The following FGL1 variants were observed in gnomAD, a reference collection of about 807,000 sequenced individuals.
FGL1 encodes the protein fibrinogen-like protein 1.
In FGL1, 59 loss-of-function variants were observed where a neutral mutation model predicts 43.7. That is an observed-to-expected ratio of 1.35 (90% CI 1.10 to 1.68). The LOEUF (loss-of-function observed/expected upper bound fraction) is 1.68. Ranked by LOEUF, FGL1 falls within the 40% of genes most tolerant of loss-of-function variation. FGL1 has a pLI of 0.00. For synonymous variants in FGL1, 192 were observed against 126.5 expected (o/e 1.52, Z -3.48); for missense variants, 596 against 373.0 (o/e 1.60, Z -4.92).
chr8:17,866,300 T>C (rs1374864017), intron 7 of FGL1, among the ~76,000 whole-genome samples: 1 of 152,202 alleles, frequency 6.6e-6, no homozygotes, highest in Non-Finnish European at 1.5e-5. Flanking sequence ...CGTGAAATGC[T>C]ACACTAACAA....
intron 3 of FGL1, 86 bp from the exon 4 acceptor site, chr8:17,874,607 T>A (rs529578228): frequency 1.0e-6 from 1 of 1,000,702 alleles, no homozygotes; most frequent in African/African-American, 1.6e-5. Context: ...GACTACTCAG[T>A]ATCACTGGAG....
chr8:17,873,194 C>A (rs189443253), intron 5 of FGL1, among the ~76,000 whole-genome samples: 16 of 152,286 alleles, frequency 1.1e-4, no homozygotes, highest in Admixed American at 9.2e-4. Flanking sequence ...AAAGTCTGAG[C>A]TGCTCCTGTG....
At chr8:17,871,192 T>A (rs912918103) in intron 5 of FGL1, among the ~76,000 whole-genome samples, 1 of 152,090 alleles carries the variant, frequency 6.6e-6, no homozygotes, top group Non-Finnish European at 1.5e-5. Context: ...TCAACTGTCT[T>A]TAAAAATATT....
At chr8:17,869,858 C>G (rs931646129) in intron 5 of FGL1, among the ~76,000 whole-genome samples, 6 of 152,100 alleles carry the variant, frequency 3.9e-5, no homozygotes, top group Non-Finnish European at 7.4e-5. Context: ...GCCTGTAATC[C>G]CAGCACTTTG....
Position 17,882,167 on chromosome 8 carries a change from A to C in FGL1, c.76T>G (p.Cys26Gly), listed in dbSNP as rs143971989. 56 of 1,613,328 alleles carry C rather than the reference A, an allele frequency of 3.5e-5. No individual in the cohort carries two copies. The African/African-American group carries it at 7.1e-4, about 20-fold the overall frequency. Residue 26 changes from cysteine (C) to glycine (G), a missense_variant, in exon 3 of 8, where the codon TGT (cysteine) becomes GGT (glycine). Transcript: ENST00000427924. ...MGREISALED[C>G]AQEQMRLRAQ... Reference sequence around the variant, plus strand: ...CTGAGCCGCATCTGCTCCTGGGCACAGTCCTCGAGCGCCTGCAAAACAGGT... The same window carrying C: ...CTGAGCCGCATCTGCTCCTGGGCACCGTCCTCGAGCGCCTGCAAAACAGGT...
chr8:17,887,192 A>G (rs1411535864), intron 1 of FGL1, among the ~76,000 whole-genome samples: 1 of 152,006 alleles, frequency 6.6e-6, no homozygotes, highest in African/African-American at 2.4e-5. Context: ...CAGGCCAAAG[A>G]ACATAGGATT....
intron 3 of FGL1, among the ~76,000 whole-genome samples, chr8:17,877,125 G>A (rs1379613852): frequency 1.3e-5 from 2 of 151,964 alleles, no homozygotes; most frequent in African/African-American, 4.8e-5. Context: ...TTTAAAATAT[G>A]AACTTGATAT....
chr8:17,866,723 G>C (rs2053275402), intron 7 of FGL1, among the ~76,000 whole-genome samples: 2 of 152,188 alleles, frequency 1.3e-5, no homozygotes, highest in South Asian at 4.1e-4. Context: ...AGATGCCTTA[G>C]AAGCCAGTCA....
At chr8:17,887,719 C>T (rs972433210) in intron 1 of FGL1, among the ~76,000 whole-genome samples, 7 of 151,956 alleles carry the variant, frequency 4.6e-5, no homozygotes, top group African/African-American at 1.7e-4. Flanking sequence ...CCTGTAATCC[C>T]AGCAAATTGG....
intron 3 of FGL1, among the ~76,000 whole-genome samples, chr8:17,875,551 T>TTCTTTCTTTCTCTCTCTC (rs2053440563): frequency 6.0e-5 from 1 of 16,720 alleles, no homozygotes; most frequent in African/African-American, 1.6e-4. Flanking sequence ...CTTTCTTTCT[T>TTCTTTCTTTCTCTCTCTC]TCTTTCTTTC....
intron 3 of FGL1, 65 bp from the exon 4 acceptor site, chr8:17,874,586 C>T (rs2053417459): frequency 1.5e-6 from 2 of 1,335,516 alleles, no homozygotes; most frequent in Non-Finnish European, 2.1e-6. Context: ...CCTTAGGGAG[C>T]CTCTGAATGA....
intron 3 of FGL1, among the ~76,000 whole-genome samples, chr8:17,878,276 T>C (rs1563454292): frequency 6.6e-6 from 1 of 152,238 alleles, no homozygotes; most frequent in Non-Finnish European, 1.5e-5. Context: ...CATTTGAATA[T>C]ATTTTAATCC....
At chr8:17,870,485 T>C (rs2053341952) in intron 5 of FGL1, among the ~76,000 whole-genome samples, 1 of 152,150 alleles carries the variant, frequency 6.6e-6, no homozygotes, top group Non-Finnish European at 1.5e-5. Context: ...AGAGCCTCAC[T>C]TTCCTTGGAG....
At chr8:17,875,531 CTTTCTCTTTCTTTCTTTCTTTCTTTCTT>C (rs1563452328) in intron 3 of FGL1, among the ~76,000 whole-genome samples, 1 of 12,152 alleles carries the variant, frequency 8.2e-5, no homozygotes, top group African/African-American at 2.5e-4. Context: ...TTCTTTCTTT[CTTTCTCTTTCTTTCTTTCTTTCTTTCTT>C]TCTTTCTTTC....
rs1208103229 is a variant in FGL1, at chr8:17,869,022, A to C, written c.503-18T>G. The C allele has an allele frequency of 1.3e-6, 2 of 1,521,914 alleles. No homozygotes were observed. The allele number at this position is 1,521,914 out of a possible 1,614,324, so 94.3% of individuals were successfully genotyped here. A position where few individuals can be genotyped will look rare whatever the true frequency, so the allele number is the denominator to read the frequency against. Reference sequence around the variant, plus strand: ...GTAGTCTTCTAAAAAAGAAACAAGCAATTATAATTTTTAAAAATGTGTGAC... The same window carrying C: ...GTAGTCTTCTAAAAAAGAAACAAGCCATTATAATTTTTAAAAATGTGTGAC... On this transcript the variant is annotated intron_variant, in intron 5 of 7. Transcript: ENST00000427924.
chr8:17,885,638 C>T (rs2053617380), intron 1 of FGL1, 67 bp from the exon 2 acceptor site: 1 of 1,334,608 alleles, frequency 7.5e-7, no homozygotes, highest in Non-Finnish European at 1.1e-6. Flanking sequence ...AGAGTTCAGA[C>T]TTCAGTAGCT....
Position 17,875,533 on chromosome 8 carries a change from T to TTCTTTC in FGL1, c.245-1013_245-1012insGAAAGA, listed in dbSNP as rs1208572003. Reference sequence around the variant, plus strand: ...TTTCTTTCTTTCTTTCTTTCTTTCTTTCTCTTTCTTTCTTTCTTTCTTTCT... The same window carrying TTCTTTC: ...TTTCTTTCTTTCTTTCTTTCTTTCTTTCTTTCTCTCTTTCTTTCTTTCTTTCTTTCT... On this transcript the variant is annotated intron_variant, in intron 3 of 7. Coordinates refer to ENST00000427924, the MANE Select transcript of FGL1 (RefSeq NM_004467.4). Among the ~76,000 whole-genome samples, 3 of 11,888 alleles carry TTCTTTC rather than the reference T, an allele frequency of 2.5e-4. 1 individual carries two copies. Among genetic ancestry groups the TTCTTTC allele is most frequent in the African/African-American group, 6.9e-4 (3 of 4,334 alleles). The allele number at this position is 11,888 out of a possible 152,430, so 7.8% of individuals were successfully genotyped here.
At chr8:17,890,370 C>T (rs567328052) in intron 1 of FGL1, among the ~76,000 whole-genome samples, 2 of 152,312 alleles carry the variant, frequency 1.3e-5, no homozygotes, top group Admixed American at 1.3e-4. Flanking sequence ...CTCCTCAACA[C>T]ATCTCTTTTC....
intron 1 of FGL1, among the ~76,000 whole-genome samples, chr8:17,886,404 T>A (rs190886866): frequency 6.6e-6 from 1 of 152,130 alleles, no homozygotes; most frequent in Non-Finnish European, 1.5e-5. Flanking sequence ...ACTGACAAAG[T>A]CAAAGAGAAA....
Sources: gnomAD v4.1 joint callset for allele counts (sites outside exome capture counted in the v4.1 genomes callset) on GRCh38, gnomAD v4.1.1 for gene constraint, MANE v1.5 for transcripts, NCBI Gene and HGNC (gene_info 2026-07-23, HGNC 2026-07-21) for gene names.